The following HOXC4 variants were observed in gnomAD, a reference collection of about 807,000 sequenced individuals.
HOXC4 encodes the protein homeobox C4, also known as homeobox protein Hox-C4.
In HOXC4, 15 loss-of-function variants were observed where a neutral mutation model predicts 25.5. The observed-to-expected ratio is 0.59, with a 90% CI of 0.39 to 0.91. The LOEUF (loss-of-function observed/expected upper bound fraction) is 0.91, where lower values mean the gene tolerates loss of function less well. Among genes scored for constraint, HOXC4 ranks in the 40% least tolerant of loss-of-function variants. The probability of loss-of-function intolerance (pLI) is 0.00; values close to 1 mark genes in which losing one functional copy is unlikely to be tolerated. For synonymous variants in HOXC4, 165 were observed against 148.0 expected, an observed-to-expected ratio of 1.11 and a Z score of -0.83; for missense variants, 342 against 352.4, an observed-to-expected ratio of 0.97 and a Z score of 0.24.
At chr12:54,024,686 A>T (rs1477475036) in intron 1 of HOXC4, among the ~76,000 whole-genome samples, 2 of 151,564 alleles carry the variant, frequency 1.3e-5, no homozygotes, top group Admixed American at 1.3e-4. Flanking sequence ...TCCCCAGTTC[A>T]GAGCTCACAT....
intron 1 of HOXC4, among the ~76,000 whole-genome samples, chr12:54,025,133 C>T (rs1376209460): frequency 6.6e-6 from 1 of 152,174 alleles, no homozygotes; most frequent in Non-Finnish European, 1.5e-5. Flanking sequence ...TTTCTTTAGG[C>T]TCGTTTTATA....
chr12:54,046,874 A>T (rs939494944), intron 1 of HOXC4, among the ~76,000 whole-genome samples: 13 of 151,976 alleles, frequency 8.6e-5, no homozygotes, highest in African/African-American at 2.9e-4. Context: ...TCCCGGGCGG[A>T]GGTGCGCGCA....
At chr12:54,044,863 G>A (rs1225116274) in intron 1 of HOXC4, among the ~76,000 whole-genome samples, 2 of 152,044 alleles carry the variant, frequency 1.3e-5, no homozygotes. Context: ...CCCCTGGCTG[G>A]CAAGTCCCTC....
At chr12:54,022,183 C>A (rs1940479537) in intron 1 of HOXC4, 1 of 152,154 alleles carries the variant, frequency 6.6e-6, no homozygotes, top group African/African-American at 2.4e-5. Flanking sequence ...CCCCCACTAC[C>A]CCACTCCTTT....
chr12:54,054,284 C>T lies in HOXC4; in HGVS notation c.362C>T (p.Ala121Val), dbSNP rs1294830587. ...GCCCCGCCAGCCTGCAGCCAGCCAGCCCCCGACCATCCCTCCAGCGCCGCC... is the reference window on the plus strand; with the variant it reads ...GCCCCGCCAGCCTGCAGCCAGCCAGTCCCCGACCATCCCTCCAGCGCCGCC... ...SPAPPACSQP[A>V]PDHPSSAASK... is the part of the protein sequence containing the mutation. Residue 121 changes from alanine (A) to valine (V), a missense_variant, in exon 1 of 2, where the codon GCC becomes GTC. By Grantham distance (64) the Ala-to-Val change is moderately conservative (BLOSUM62 0). Coordinates refer to ENST00000430889, the MANE Select transcript of HOXC4 (RefSeq NM_153633.3). 6.2e-7 allele frequency: 1 copy of T among 1,608,088 alleles called. No individual in the cohort carries two copies.
chr12:54,041,095 C>T (rs1301230387), intron 1 of HOXC4, among the ~76,000 whole-genome samples: 6 of 152,236 alleles, frequency 3.9e-5, no homozygotes, highest in Admixed American at 6.5e-5. Flanking sequence ...GATCCTATGT[C>T]CTGGCCAATA....
chr12:54,039,622 C>G (rs1941238274), intron 1 of HOXC4, among the ~76,000 whole-genome samples: 1 of 152,128 alleles, frequency 6.6e-6, no homozygotes, highest in African/African-American at 2.4e-5. Context: ...CATTACCCGT[C>G]CTTCTTGGCT....
At chr12:54,039,241 G>A (rs1565748666) in intron 1 of HOXC4, among the ~76,000 whole-genome samples, 1 of 151,774 alleles carries the variant, frequency 6.6e-6, no homozygotes, top group Admixed American at 6.6e-5. Context: ...CGGTGTCTGG[G>A]CATCTGCTTT....
intron 1 of HOXC4, among the ~76,000 whole-genome samples, chr12:54,040,973 C>A (rs1396077393): frequency 6.6e-6 from 1 of 152,146 alleles, no homozygotes; most frequent in Non-Finnish European, 1.5e-5. Flanking sequence ...ACAGAGAATT[C>A]CGACTTTCCT....
intron 1 of HOXC4, chr12:54,033,242 C>T: frequency 1.9e-6 from 3 of 1,614,206 alleles, no homozygotes; most frequent in Non-Finnish European, 2.5e-6. Flanking sequence ...GGTACTGCTA[C>T]GGCGGATTGG....
At chr12:54,029,151 G>A (rs1940868596) in intron 1 of HOXC4, among the ~76,000 whole-genome samples, 1 of 152,186 alleles carries the variant, frequency 6.6e-6, no homozygotes, top group Admixed American at 6.5e-5. Context: ...AAGGCGGGCT[G>A]AGGGGGCAGG....
At chr12:54,037,053 A>C (rs1941197025) in intron 1 of HOXC4, among the ~76,000 whole-genome samples, 1 of 151,976 alleles carries the variant, frequency 6.6e-6, no homozygotes, top group Admixed American at 6.6e-5. Flanking sequence ...TGAAGGTCTG[A>C]CTCATTTTGG....
intron 1 of HOXC4, among the ~76,000 whole-genome samples, chr12:54,027,134 T>C (rs1303775992): frequency 6.6e-6 from 1 of 152,254 alleles, no homozygotes. Context: ...CTACTGCGGC[T>C]CCCTCACAAG....
intron 1 of HOXC4, among the ~76,000 whole-genome samples, chr12:54,023,943 T>C (rs1227715991): frequency 6.6e-6 from 1 of 152,202 alleles, no homozygotes; most frequent in East Asian, 1.9e-4. Context: ...TCTGATCCTT[T>C]GACTAGGAGT....
At chr12:54,022,795 G>A (rs1476401478) in intron 1 of HOXC4, among the ~76,000 whole-genome samples, 1 of 152,162 alleles carries the variant, frequency 6.6e-6, no homozygotes, top group East Asian at 1.9e-4. Context: ...TCACTGTGAT[G>A]TCATAATACC....
chr12:54,054,215 G>A lies in HOXC4; in HGVS notation c.293G>A (p.Cys98Tyr). 6.2e-7 allele frequency: 1 copy of A among 1,612,024 alleles called. No individual in the cohort carries two copies. The highest frequency in any genetic ancestry group is 8.5e-7 in the Non-Finnish European group (1 of 1,179,136). The change falls in exon 1 of 2, where the codon TGC becomes TAC. Residue 98 changes from cysteine to tyrosine, a missense_variant. By Grantham distance (194) the Cys-to-Tyr change is radical (BLOSUM62 -2). Coordinates refer to ENST00000430889, the MANE Select transcript of HOXC4 (RefSeq NM_153633.3). ...CACCCCGAGAAATCACAGTCGCTCT[G>A]CGAGCCGGCGCCTCTCTCAGGCGCC... ...HHHPEKSQSLCEPAPLSGASA... is the reference protein window; with the variant it reads ...HHHPEKSQSLYEPAPLSGASA...
upstream of HOXC4, among the ~76,000 whole-genome samples, chr12:54,052,811 A>G (rs1937879118): frequency 6.6e-6 from 1 of 152,178 alleles, no homozygotes; most frequent in Admixed American, 6.5e-5. Context: ...ATGTAAACAC[A>G]CGTGTTACAT....
chr12:54,050,046 C>G (rs1937809587), upstream of HOXC4, among the ~76,000 whole-genome samples: 2 of 152,060 alleles, frequency 1.3e-5, no homozygotes, highest in South Asian at 4.1e-4. Flanking sequence ...TCCCTTTGCC[C>G]TCCAAATCCT....
chr12:54,042,056 G>A (rs886591118), intron 1 of HOXC4, among the ~76,000 whole-genome samples: 4 of 141,698 alleles, frequency 2.8e-5, no homozygotes, highest in African/African-American at 1.0e-4. Flanking sequence ...TCAGCTCACC[G>A]CAAACTCTGC....
Sources: allele counts gnomAD v4.1 joint callset (sites outside exome capture counted in the v4.1 genomes callset), GRCh38; gene constraint gnomAD v4.1.1; transcripts MANE v1.5; gene names NCBI Gene and HGNC (gene_info 2026-07-23, HGNC 2026-07-21).